Variants in MSRA observed in about 807,000 individuals in gnomAD.
MSRA encodes the protein mitochondrial peptide methionine sulfoxide reductase.
MSRA carries 54 observed loss-of-function variants against 31.3 expected under a neutral mutation model. The observed-to-expected ratio is 1.73, with a 90% CI of 1.39 to 2.17. MSRA has a LOEUF of 2.17. Among genes scored for constraint, MSRA ranks in the 30% most tolerant of loss-of-function variants. MSRA has a pLI of 0.00. For synonymous variants in MSRA, 169 were observed against 116.5 expected (o/e 1.45, Z -2.90); for missense variants, 507 against 300.9 (o/e 1.69, Z -5.07).
At chr8:10,101,527 T>C (rs1270762877) in intron 1 of MSRA, among the ~76,000 whole-genome samples, 3 of 152,164 alleles carry the variant, frequency 2.0e-5, no homozygotes, top group African/African-American at 7.2e-5. Context: ...AATAACTTTC[T>C]ATTCTTCCCT....
At chr8:10,419,711 G>T (rs183236021) in intron 5 of MSRA, among the ~76,000 whole-genome samples, 5 of 152,310 alleles carry the variant, frequency 3.3e-5, no homozygotes, top group African/African-American at 1.2e-4. Context: ...TTGGGAAGTT[G>T]GTGGCGCTTG....
At chr8:10,077,347 T>A (rs1474367265) in intron 1 of MSRA, among the ~76,000 whole-genome samples, 21 of 151,920 alleles carry the variant, frequency 1.4e-4, no homozygotes, top group Admixed American at 1.2e-3. Context: ...AGGGGTAGGG[T>A]TTTTAAAGAT....
rs534931197 is a variant in MSRA at position 10,216,082 on chromosome 8, C to T, written c.211+8181C>T. ...CCAACTAGCATTTTTAAGAAAAATA[C>T]GGAGCAATCAAGGATCAAATTCAGA... On this transcript the variant is annotated intron_variant, in intron 2 of 5. Transcript: ENST00000317173. Among the ~76,000 whole-genome samples, 8 of 152,198 alleles carry T rather than the reference C, an allele frequency of 5.3e-5. No individual in the cohort carries two copies. The South Asian group carries it at 1.0e-3, about 20-fold the overall frequency.
intron 1 of MSRA, among the ~76,000 whole-genome samples, chr8:10,068,866 C>G (rs1056661198): frequency 1.3e-5 from 2 of 152,172 alleles, no homozygotes; most frequent in Admixed American, 6.5e-5. Context: ...ATCTCCAGAT[C>G]AAGTTGGGAA....
chr8:10,207,497 G>C (rs925436414), intron 1 of MSRA, among the ~76,000 whole-genome samples: 8 of 152,162 alleles, frequency 5.3e-5, no homozygotes, highest in Non-Finnish European at 1.2e-4. Context: ...TTGGAGCTTT[G>C]CTTGTTTTTT....
intron 5 of MSRA, among the ~76,000 whole-genome samples, chr8:10,363,263 A>G (rs1196632450): frequency 4.6e-5 from 7 of 152,214 alleles, no homozygotes; most frequent in Non-Finnish European, 8.8e-5. Flanking sequence ...GTTCTTTGGC[A>G]ACTGGCCAGG....
At chr8:10,170,666 G>C (rs1585084868) in intron 1 of MSRA, among the ~76,000 whole-genome samples, 1 of 152,182 alleles carries the variant, frequency 6.6e-6, no homozygotes, top group Non-Finnish European at 1.5e-5. Flanking sequence ...GTATATGGGA[G>C]GATGTGCATA....
chr8:10,131,854 A>G (rs1428394873), intron 1 of MSRA, among the ~76,000 whole-genome samples: 2 of 152,202 alleles, frequency 1.3e-5, no homozygotes, highest in African/African-American at 4.8e-5. Context: ...ATAATCCCCA[A>G]ATCTCCTCTT....
chr8:10,332,428 C>G (rs1019306389), intron 5 of MSRA, among the ~76,000 whole-genome samples: 1 of 151,298 alleles, frequency 6.6e-6, no homozygotes, highest in African/African-American at 2.4e-5. Context: ...AATTCATTGA[C>G]TTACCTTAGT....
intron 5 of MSRA, among the ~76,000 whole-genome samples, chr8:10,360,897 C>G (rs1050261265): frequency 1.3e-5 from 2 of 152,174 alleles, no homozygotes; most frequent in Admixed American, 1.3e-4. Flanking sequence ...AAGGCAAGAC[C>G]AGAGTGGAAC....
intron 1 of MSRA, among the ~76,000 whole-genome samples, chr8:10,066,379 G>C (rs1563390837): frequency 2.0e-5 from 3 of 152,288 alleles, no homozygotes; most frequent in Non-Finnish European, 4.4e-5. Flanking sequence ...TCAGACCCGA[G>C]AAAGCATTCT....
intron 5 of MSRA, among the ~76,000 whole-genome samples, chr8:10,387,982 C>A (rs1484211055): frequency 1.3e-5 from 2 of 152,300 alleles, no homozygotes; most frequent in East Asian, 3.9e-4. Flanking sequence ...TGAGCCCCAA[C>A]ATCATAGTAG....
At chr8:10,086,286 G>A (rs1193260347) in intron 1 of MSRA, among the ~76,000 whole-genome samples, 2 of 152,192 alleles carry the variant, frequency 1.3e-5, no homozygotes, top group Non-Finnish European at 2.9e-5. Flanking sequence ...TGAGCAGTTG[G>A]ATGCTGGTGC....
Position 10,428,183 on chromosome 8 carries a change from C to T in MSRA, c.579C>T (p.Thr193=), listed in dbSNP as rs757139160. 24 of 1,613,926 alleles carry T rather than the reference C, an allele frequency of 1.5e-5. No individual in the cohort carries two copies. Among genetic ancestry groups the T allele is most frequent in the East Asian group, 8.9e-5 (4 of 44,888 alleles). The change falls in exon 6 of 6, where the codon ACC becomes ACT. Residue 193 remains threonine, a synonymous_variant. Coordinates refer to ENST00000317173, the MANE Select transcript of MSRA (RefSeq NM_012331.5). ...AGCACGGCTTCGGCCCCATCACTAC[C>T]GACATCCGGGAGGGACAGACTTTCT... ...LSEHGFGPIT[T]DIREGQTFYY...
intron 1 of MSRA, among the ~76,000 whole-genome samples, chr8:10,062,192 C>G (rs1797232631): frequency 6.6e-6 from 1 of 152,220 alleles, no homozygotes; most frequent in African/African-American, 2.4e-5. Flanking sequence ...CATCAATCAT[C>G]CGTTCCTCCT....
intron 2 of MSRA, among the ~76,000 whole-genome samples, chr8:10,237,306 G>A (rs1428946719): frequency 6.6e-6 from 1 of 152,212 alleles, no homozygotes. Flanking sequence ...GGTTACATCT[G>A]GCTACTGTCC....
At chr8:10,384,484 G>A (rs1401508099) in intron 5 of MSRA, among the ~76,000 whole-genome samples, 1 of 152,202 alleles carries the variant, frequency 6.6e-6, no homozygotes, top group Non-Finnish European at 1.5e-5. Context: ...GGAGAACGAG[G>A]ACGATGTCCA....
At chr8:10,151,431 C>CA (rs1463053383) in intron 1 of MSRA, among the ~76,000 whole-genome samples, 3 of 152,016 alleles carry the variant, frequency 2.0e-5, no homozygotes, top group African/African-American at 7.3e-5. Flanking sequence ...ATCATGAGGT[C>CA]AGGATATCGA....
intron 5 of MSRA, among the ~76,000 whole-genome samples, chr8:10,405,775 GTGCTCACACA>G (rs1807771736): frequency 8.5e-6 from 1 of 118,172 alleles, no homozygotes; most frequent in East Asian, 2.3e-4. Flanking sequence ...ACACACCTAT[GTGCTCACACA>G]TGTAATCACA....
Sources: allele counts gnomAD v4.1 joint callset (sites outside exome capture counted in the v4.1 genomes callset), GRCh38; gene constraint gnomAD v4.1.1; transcripts MANE v1.5; gene names NCBI Gene and HGNC (gene_info 2026-07-23, HGNC 2026-07-21).